Variants in RBFOX1 observed in about 807,000 individuals in gnomAD.
RBFOX1 encodes the protein RNA binding fox-1 homolog 1, also known as RNA binding protein fox-1 homolog 1.
A neutral mutation model predicts 57.7 loss-of-function variants in RBFOX1; 8 were observed. That is an observed-to-expected ratio of 0.14 (90% confidence interval 0.08 to 0.25). The LOEUF (loss-of-function observed/expected upper bound fraction) is 0.25. Ranked by LOEUF, RBFOX1 falls within the 10% of genes least tolerant of loss-of-function variation. The pLI, the probability that RBFOX1 is intolerant of heterozygous loss-of-function variation, is 1.00. For missense variants in RBFOX1, 611 were observed against 548.5 expected (o/e 1.11, Z -1.14); for synonymous variants, 326 against 222.4 (o/e 1.47, Z -4.15).
intron 1 of RBFOX1, among the ~76,000 whole-genome samples, chr16:6,312,492 C>A (rs528495494): frequency 6.6e-6 from 1 of 152,112 alleles, no homozygotes; most frequent in Non-Finnish European, 1.5e-5. Context: ...GGTGAGGTTT[C>A]GTCTGTTCTG....
intron 4 of RBFOX1, among the ~76,000 whole-genome samples, chr16:7,139,686 C>T (rs2073117852): frequency 6.6e-6 from 1 of 152,036 alleles, no homozygotes; most frequent in African/African-American, 2.4e-5. Flanking sequence ...GAGAATGTTT[C>T]AAGAATGTTG....
At position 7,408,681 on chromosome 16, in the gene RBFOX1, C is replaced by T. The variant is rs559458297; in HGVS notation, c.28-109466C>T. 9.1e-4 allele frequency among the ~76,000 whole-genome samples: 139 copies of T among 152,224 alleles called. 3 individuals are homozygous for T. The South Asian group carries it at 0.028, about 30-fold the overall frequency. On this transcript the variant is annotated intron_variant, in intron 4 of 15. Transcript: ENST00000550418. ...TTTCTCCACCATTGACATTTTAGGC[C>T]GAACATGTACTTTTTTGTTATAGGT...
chr16:6,419,115 A>G (rs1480402769), intron 2 of RBFOX1, among the ~76,000 whole-genome samples: 2 of 152,048 alleles, frequency 1.3e-5, no homozygotes, highest in Non-Finnish European at 2.9e-5. Flanking sequence ...GGCCAGCATG[A>G]TTTTTCTTAA....
intron 2 of RBFOX1, among the ~76,000 whole-genome samples, chr16:5,583,437 G>T (rs539533622): frequency 2.6e-5 from 4 of 152,324 alleles, no homozygotes; most frequent in African/African-American, 9.6e-5. Flanking sequence ...GTTCAAATAA[G>T]TCAAACGCCG....
chr16:6,708,029 G>T (rs750872067), intron 3 of RBFOX1, among the ~76,000 whole-genome samples: 2 of 152,130 alleles, frequency 1.3e-5, no homozygotes, highest in Non-Finnish European at 2.9e-5. Flanking sequence ...AGTTTCAGAA[G>T]AAAGGCCCTT....
chr16:7,279,467 T>C (rs1024339907), intron 4 of RBFOX1, among the ~76,000 whole-genome samples: 5 of 152,224 alleles, frequency 3.3e-5, no homozygotes, highest in Admixed American at 1.3e-4. Context: ...CTCACCACAC[T>C]CAGGCCTGAG....
chr16:7,253,452 C>A (rs141652770), intron 4 of RBFOX1, among the ~76,000 whole-genome samples: 2 of 152,258 alleles, frequency 1.3e-5, no homozygotes, highest in East Asian at 1.9e-4. Context: ...GTCTGAGTTC[C>A]CAACGAGACT....
chr16:6,788,107 A>G (rs1012108939), intron 3 of RBFOX1, among the ~76,000 whole-genome samples: 1 of 152,110 alleles, frequency 6.6e-6, no homozygotes, highest in African/African-American at 2.4e-5. Flanking sequence ...CTGTAATCCT[A>G]GCTACTGGGA....
At chr16:7,074,053 G>T (rs1217211957) in intron 4 of RBFOX1, among the ~76,000 whole-genome samples, 1 of 152,112 alleles carries the variant, frequency 6.6e-6, no homozygotes, top group African/African-American at 2.4e-5. Context: ...TAACAAGAAG[G>T]TTGGACAGTT....
chr16:7,464,823 A>T (rs1238773870), intron 4 of RBFOX1, among the ~76,000 whole-genome samples: 3 of 148,384 alleles, frequency 2.0e-5, no homozygotes, highest in African/African-American at 7.5e-5. Context: ...CAGCCTCCCG[A>T]GTAGCTGGGA....
chr16:6,756,927 A>T (rs1034703804), intron 3 of RBFOX1, among the ~76,000 whole-genome samples: 3 of 152,054 alleles, frequency 2.0e-5, no homozygotes, highest in African/African-American at 4.8e-5. Context: ...GTGAGCTGAG[A>T]TCGTGCCATT....
chr16:7,656,991 G>C (rs1024650), intron 12 of RBFOX1, among the ~76,000 whole-genome samples: 45,024 of 152,056 alleles, frequency 0.3, 6,776 homozygotes, highest in South Asian at 0.4. Flanking sequence ...TCTTTTCTAA[G>C]ATGTCACCTA....
chr16:5,255,366 A>ATCCATCCC (rs2062565030), intron 1 of RBFOX1, among the ~76,000 whole-genome samples: 1 of 147,374 alleles, frequency 6.8e-6, no homozygotes, highest in Admixed American at 6.7e-5. Context: ...CCATCCATCC[A>ATCCATCCC]TCCATCCATC....
chr16:6,483,052 C>T (rs1432084970), intron 2 of RBFOX1: 1 of 827,218 alleles, frequency 1.2e-6, no homozygotes, highest in Non-Finnish European at 1.5e-6. Flanking sequence ...GGCGAGATAC[C>T]GCAGCCAGCT....
intron 1 of RBFOX1, among the ~76,000 whole-genome samples, chr16:6,111,248 A>G (rs577432329): frequency 1.3e-5 from 2 of 152,322 alleles, no homozygotes; most frequent in Non-Finnish European, 2.9e-5. Context: ...CAGAAATGCA[A>G]TGTCACCCCA....
At chr16:6,039,347 G>GAAAAAAAAAAAAAAAAA (rs58081772) in intron 1 of RBFOX1, among the ~76,000 whole-genome samples, 1 of 136,304 alleles carries the variant, frequency 7.3e-6, no homozygotes. Flanking sequence ...CTGCTTTCTG[G>GAAAAAAAAAAAAAAAAA]AAAAAAAAAA....
intron 10 of RBFOX1, among the ~76,000 whole-genome samples, chr16:7,608,874 A>C (rs1308685006): frequency 1.3e-5 from 2 of 152,192 alleles, no homozygotes; most frequent in African/African-American, 4.8e-5. Flanking sequence ...ATTCTGCTGA[A>C]TTTTGAGTAT....
intron 2 of RBFOX1, among the ~76,000 whole-genome samples, chr16:6,643,797 C>G (rs2098511229): frequency 1.3e-5 from 2 of 150,308 alleles, no homozygotes; most frequent in South Asian, 2.1e-4. Context: ...AAGGCTTGAA[C>G]TTATTCTCAA....
At chr16:6,121,181 C>G (rs1473979630) in intron 1 of RBFOX1, among the ~76,000 whole-genome samples, 1 of 152,178 alleles carries the variant, frequency 6.6e-6, no homozygotes, top group Non-Finnish European at 1.5e-5. Flanking sequence ...AATACATGCA[C>G]TGCAGGTTTA....
Sources: gnomAD v4.1 joint callset for allele counts (sites outside exome capture counted in the v4.1 genomes callset) on GRCh38, gnomAD v4.1.1 for gene constraint, MANE v1.5 for transcripts, NCBI Gene and HGNC (gene_info 2026-07-23, HGNC 2026-07-21) for gene names.